Variants in SAMD7 observed in about 807,000 individuals in gnomAD.
SAMD7 encodes the protein sterile alpha motif domain containing 7.
Under a neutral mutation model 36.7 loss-of-function variants are expected in SAMD7, and 34 were observed. The observed-to-expected ratio is 0.93, with a 90% CI of 0.71 to 1.23. The LOEUF is 1.23. Among genes scored for constraint, SAMD7 ranks in the 50% most tolerant of loss-of-function variants. SAMD7 has a pLI of 0.00. For missense variants in SAMD7, 570 were observed against 546.6 expected (o/e 1.04, Z -0.43); for synonymous variants, 188 against 189.7 (o/e 0.99, Z 0.07).
intron 2 of SAMD7, among the ~76,000 whole-genome samples, chr3:169,918,930 T>A (rs1355046718): frequency 6.6e-6 from 1 of 152,158 alleles, no homozygotes; most frequent in Admixed American, 6.5e-5. Context: ...GTGGATCACC[T>A]GCAGTCAGGA....
chr3:169,928,475 C>T lies in SAMD7; in HGVS notation c.938C>T (p.Thr313Ile), dbSNP rs757694266. 1.1e-5 allele frequency: 18 copies of T among 1,612,390 alleles called. No individual in the cohort carries two copies. In the South Asian group the frequency reaches 1.5e-4, roughly 14 times the overall value. ...PSLPGTHALV[T>I]IGGNLSLDED... ...TTTAAAGGAACACATGCACTGGTTA[C>T]AATTGGGGGGAATCTTTCTTTGGAT... The change falls in exon 7 of 9, where the codon ACA becomes ATA. Residue 313 changes from threonine (T) to isoleucine (I), a missense_variant. By Grantham distance (89) the Thr-to-Ile change is moderately conservative. Coordinates refer to ENST00000335556, the MANE Select transcript of SAMD7 (RefSeq NM_001304366.2).
chr3:169,923,359 C>T (rs1230836617), intron 4 of SAMD7, among the ~76,000 whole-genome samples: 1 of 152,228 alleles, frequency 6.6e-6, no homozygotes, highest in African/African-American at 2.4e-5. Flanking sequence ...GACAGTCCAA[C>T]AGCAGATCCT....
chr3:169,917,386 G>A (rs1355585121), intron 2 of SAMD7, among the ~76,000 whole-genome samples: 1 of 151,858 alleles, frequency 6.6e-6, no homozygotes, highest in Non-Finnish European at 1.5e-5. Flanking sequence ...ATAGTTGCAG[G>A]TATCTCAGAT....
chr3:169,924,969 T>C, intron 4 of SAMD7, 89 bp from the exon 5 acceptor site: 1 of 787,784 alleles, frequency 1.3e-6, no homozygotes, highest in South Asian at 1.8e-5. Flanking sequence ...TTTCAGATAC[T>C]GTTTTACATT....
chr3:169,931,245 T>C (rs1038748635), intron 7 of SAMD7, among the ~76,000 whole-genome samples: 11 of 152,324 alleles, frequency 7.2e-5, no homozygotes, highest in Admixed American at 7.2e-4. Flanking sequence ...ACTGAAAATA[T>C]GTGCACATTT....
intron 5 of SAMD7, among the ~76,000 whole-genome samples, chr3:169,925,639 T>G (rs1204653799): frequency 6.6e-6 from 1 of 152,110 alleles, no homozygotes; most frequent in Admixed American, 6.5e-5. Context: ...AGGCAGAGAA[T>G]TGCTTGAACC....
chr3:169,926,131 C>A, intron 5 of SAMD7: 1 of 531,814 alleles, frequency 1.9e-6, no homozygotes, highest in Non-Finnish European at 3.2e-6. Flanking sequence ...TGCTCTTCCC[C>A]AGCCACTTGC....
chr3:169,916,175 G>T (rs1187126383), intron 2 of SAMD7, among the ~76,000 whole-genome samples: 1 of 152,194 alleles, frequency 6.6e-6, no homozygotes, highest in Non-Finnish European at 1.5e-5. Flanking sequence ...GTCACAGCAG[G>T]ACAAATACTG....
At position 169,919,556 on chromosome 3, in the gene SAMD7, T is replaced by G; in HGVS notation, c.58T>G (p.Ser20Ala). The change falls in exon 3 of 9, where the codon TCA (serine) becomes GCA (alanine). Residue 20 changes from serine to alanine, a missense_variant. Transcript: ENST00000335556. ...GCAGCAGACAATCCCACTGATCCCC[T>G]CACCATTTGGGCCTCCAACTGTGGA... ...TGQQTIPLIP[S>A]PFGPPTVDRD... 6.2e-7 allele frequency: 1 copy of G among 1,614,102 alleles called. No individual in the cohort carries two copies. The highest frequency in any genetic ancestry group is 8.5e-7 in the Non-Finnish European group (1 of 1,179,910).
At chr3:169,925,756 C>T (rs1452112191) in intron 5 of SAMD7, among the ~76,000 whole-genome samples, 1 of 152,062 alleles carries the variant, frequency 6.6e-6, no homozygotes, top group Non-Finnish European at 1.5e-5. Flanking sequence ...CACAGTGAAG[C>T]TAACAGTAGT....
At chr3:169,912,221 GC>G (rs919034405) in intron 1 of SAMD7, among the ~76,000 whole-genome samples, 3 of 151,846 alleles carry the variant, frequency 2.0e-5, no homozygotes, top group African/African-American at 7.3e-5. Context: ...TATTTTAATG[GC>G]CCCCCATTAC....
intron 8 of SAMD7, among the ~76,000 whole-genome samples, chr3:169,936,940 A>C (rs1449047436): frequency 6.6e-6 from 1 of 152,204 alleles, no homozygotes; most frequent in East Asian, 1.9e-4. Flanking sequence ...TACAATCTCA[A>C]ATATAATAGG....
chr3:169,933,874 C>G (rs1713614408), intron 7 of SAMD7, among the ~76,000 whole-genome samples: 1 of 152,144 alleles, frequency 6.6e-6, no homozygotes, highest in Non-Finnish European at 1.5e-5. Context: ...ATGGTGGGAA[C>G]ACATATGAGG....
intron 3 of SAMD7, among the ~76,000 whole-genome samples, chr3:169,919,882 A>C (rs1712974215): frequency 6.6e-6 from 1 of 152,232 alleles, no homozygotes. Context: ...CCATAATAAA[A>C]TACTGCAGAC....
At chr3:169,927,283 T>TTA in intron 6 of SAMD7, 102 bp downstream of exon 6, 24 of 572,280 alleles carry the variant, frequency 4.2e-5, no homozygotes, top group East Asian at 7.8e-5. Flanking sequence ...CTTTTTATCT[T>TTA]TCTTTTTTTT....
At chr3:169,927,516 C>CA (rs1271894229) in intron 6 of SAMD7, among the ~76,000 whole-genome samples, 1 of 151,896 alleles carries the variant, frequency 6.6e-6, no homozygotes, top group East Asian at 1.9e-4. Context: ...AGGATGGTCT[C>CA]AATCTCCTGA....
chr3:169,926,966 A>G lies in SAMD7; in HGVS notation c.704A>G (p.Gln235Arg). The G allele has an allele frequency of 1.2e-6, 2 of 1,614,116 alleles. No individual in the cohort carries two copies. The highest frequency in any genetic ancestry group is 1.7e-6 in the Non-Finnish European group (2 of 1,180,020). Residue 235 changes from glutamine to arginine, a missense_variant, in exon 6 of 9, where the codon CAG becomes CGG. By Grantham distance (43) the Gln-to-Arg change is conservative (BLOSUM62 1). Coordinates refer to ENST00000335556, the MANE Select transcript of SAMD7 (RefSeq NM_001304366.2). ...KDPDIEAPSN[Q>R]KSSETNEKPT... ...CCAGACATTGAAGCACCCAGCAACC[A>G]GAAGTCAAGTGAAACGAATGAAAAG... is the stretch of plus-strand genomic sequence containing the variant.
At chr3:169,928,313 AG>A (rs1713355828) in intron 6 of SAMD7, 143 bp from the exon 7 acceptor site, 1 of 598,624 alleles carries the variant, frequency 1.7e-6, no homozygotes, top group African/African-American at 1.9e-5. Context: ...TGAAGCTTTT[AG>A]AAAACATCTC....
In SAMD7 at chr3:169,938,474, A is replaced by C. The variant is rs1713803297; in HGVS notation, c.1309A>C (p.Lys437Gln). The C allele has an allele frequency of 6.2e-7, 1 of 1,612,094 alleles. No individual in the cohort carries two copies. The highest frequency in any genetic ancestry group is 8.5e-7 in the Non-Finnish European group (1 of 1,178,420). ...TTGTCCCCAGGATACAATAATTCCT[A>C]AAGGAATTGAGCGAGGTAGTATGAG... ...IFCPQDTIIPKGIERGSMRN is the reference protein window; with the variant it reads ...IFCPQDTIIPQGIERGSMRN The change falls in exon 9 of 9, where the codon AAA becomes CAA. Residue 437 changes from lysine (K) to glutamine (Q), a missense_variant. Transcript: ENST00000335556.
Sources: gnomAD v4.1 joint callset for allele counts (sites outside exome capture counted in the v4.1 genomes callset) on GRCh38, gnomAD v4.1.1 for gene constraint, MANE v1.5 for transcripts, NCBI Gene and HGNC (gene_info 2026-07-23, HGNC 2026-07-21) for gene names.